SH3PXD2A: variants seen among roughly 807,000 people sequenced by gnomAD.
SH3PXD2A encodes SH3 and PX domains 2A, also known as SH3 and PX domain-containing protein 2A.
SH3PXD2A carries 32 observed loss-of-function variants against 115.2 expected under a neutral mutation model. The observed-to-expected ratio is 0.28, with a 90% CI of 0.21 to 0.37. The LOEUF is 0.37. SH3PXD2A is among the 10% of genes least tolerant of loss of function. The probability of loss-of-function intolerance (pLI) is 1.00; values close to 1 mark genes in which losing one functional copy is unlikely to be tolerated. For synonymous variants in SH3PXD2A, 610 were observed against 629.1 expected (o/e 0.97, Z 0.45); for missense variants, 1,328 against 1,498.7 (o/e 0.89, Z 1.88).
In SH3PXD2A at chr10:103,746,014, C is replaced by T. The variant is rs1253403572; in HGVS notation, c.230-10206G>A. 7 of 152,304 alleles carry T rather than the reference C, an allele frequency of 4.6e-5. No individual in the cohort carries two copies. The highest frequency in any genetic ancestry group is 7.3e-5 in the Non-Finnish European group (5 of 68,088). The allele number at this position is 152,304 out of a possible 1,614,324, so 9.4% of individuals were successfully genotyped here. On this transcript the variant is annotated intron_variant, in intron 3 of 14. Coordinates refer to ENST00000369774, the MANE Select transcript of SH3PXD2A (RefSeq NM_001394015.1). This position sits in a 1 kb window ranked among gnomAD's most constrained non-coding sequence, Gnocchi z 4.4. ...GGTTCACGACAGAGTGAAGCCTTCA[C>T]CCTCCTGCAGCCACGGCTTGCTTGC...
intron 7 of SH3PXD2A, chr10:103,661,933 G>C: frequency 1.0e-6 from 1 of 985,096 alleles, no homozygotes; most frequent in Non-Finnish European, 1.2e-6. Flanking sequence ...CCTCAAGTTC[G>C]CTCCGTTCCT....
chr10:103,703,544 C>A (rs912036207), intron 5 of SH3PXD2A, among the ~76,000 whole-genome samples: 6 of 152,178 alleles, frequency 3.9e-5, no homozygotes, highest in African/African-American at 1.4e-4. Context: ...CTGATTTTGA[C>A]CCCCAATAGC....
At chr10:103,782,827 CAAAAAAAAAAAA>C (rs1177829829) in intron 2 of SH3PXD2A, among the ~76,000 whole-genome samples, 8 of 45,396 alleles carry the variant, frequency 1.8e-4, no homozygotes, top group East Asian at 5.9e-4. Context: ...TCCATCTCTC[CAAAAAAAAAAAA>C]AAAAAAAAAA....
intron 1 of SH3PXD2A, among the ~76,000 whole-genome samples, chr10:103,845,916 T>C (rs1268025589): frequency 1.3e-5 from 2 of 152,222 alleles, no homozygotes; most frequent in African/African-American, 4.8e-5. Context: ...CATCAATCCC[T>C]ACCCCACCTG....
chr10:103,661,773 C>T lies in SH3PXD2A; in HGVS notation c.473-659G>A, dbSNP rs548623164. On this transcript the variant is annotated intron_variant, in intron 7 of 14. Coordinates refer to ENST00000369774, the MANE Select transcript of SH3PXD2A (RefSeq NM_001394015.1). ...CCAATCACTGGGGTTTACTCGCAAC[C>T]CTTAAATAGAAACACATGAGACCCG... 6 of 985,316 alleles carry T rather than the reference C, an allele frequency of 6.1e-6. No individual in the cohort carries two copies. The African/African-American group carries it at 1.0e-4, about 17-fold the overall frequency. 61.0% of individuals were successfully genotyped at this position (985,316 alleles called of 1,614,324 possible).
chr10:103,816,847 C>CT (rs929925782), intron 1 of SH3PXD2A, among the ~76,000 whole-genome samples: 3 of 151,634 alleles, frequency 2.0e-5, no homozygotes, highest in Non-Finnish European at 4.4e-5. Context: ...GAATATTATT[C>CT]TTTTTTTTGA....
chr10:103,788,112 C>G (rs1281839548), intron 2 of SH3PXD2A, among the ~76,000 whole-genome samples: 2 of 152,178 alleles, frequency 1.3e-5, no homozygotes, highest in African/African-American at 4.8e-5. Flanking sequence ...CTTCCCCTCT[C>G]CAGGGATGCC....
Position 103,756,970 on chromosome 10 carries a change from A to G in SH3PXD2A, c.229+10124T>C, listed in dbSNP as rs1280872719. Among the ~76,000 whole-genome samples the G allele has an allele frequency of 6.6e-6, 1 of 152,088 alleles. No individual in the cohort carries two copies. Among genetic ancestry groups the G allele is most frequent in the Non-Finnish European group, 1.5e-5 (1 of 68,014 alleles). On this transcript the variant is annotated intron_variant, in intron 3 of 14. Transcript: ENST00000369774. The surrounding 1 kb of genome is among the most constrained non-coding windows in gnomAD (Gnocchi z 4.4). Reference sequence around the variant, plus strand: ...AGCACCTTCTTCTGTCTCTAGCCTCAGCTGCCCACTTGCCCTCTCACCTCT... The same window carrying G: ...AGCACCTTCTTCTGTCTCTAGCCTCGGCTGCCCACTTGCCCTCTCACCTCT...
intron 5 of SH3PXD2A, among the ~76,000 whole-genome samples, chr10:103,717,499 A>G (rs1054149566): frequency 3.4e-4 from 52 of 152,268 alleles, no homozygotes; most frequent in African/African-American, 1.3e-3. Flanking sequence ...GGGGCAGAGC[A>G]TGGAGGCTGG....
Position 103,795,364 on chromosome 10 carries a change from A to AG in SH3PXD2A, c.153+5917dup, listed in dbSNP as rs547944065. 1.3e-3 allele frequency among the ~76,000 whole-genome samples: 191 copies of AG among 152,226 alleles called. 2 individuals are homozygous for AG. The South Asian group carries it at 0.029, about 23-fold the overall frequency. On this transcript the variant is annotated intron_variant, in intron 2 of 14. Transcript: ENST00000369774. ...GAGTCTGGGTCTGAAGGCTCGTGGC[A>AG]GGAGATATGGGGAGAGAAGAAGGTC... is the stretch of plus-strand genomic sequence containing the variant.
rs1564842891 is a variant in SH3PXD2A at position 103,608,149 on chromosome 10, T to TAAAAAAAAAAAAAAAAAAG, written c.1309-2233_1309-2232insCTTTTTTTTTTTTTTTTTT. ...CGAGAAACACCCAAGAATGATCAAT[T>TAAAAAAAAAAAAAAAAAAG]TAAAAAAAAAAAAAAAAAAAAGAAC... On this transcript the variant is annotated intron_variant, in intron 13 of 14. Transcript: ENST00000369774. Among the ~76,000 whole-genome samples the TAAAAAAAAAAAAAAAAAAG allele has an allele frequency of 1.2e-3, 8 of 6,470 alleles. No homozygotes were observed. The African/African-American group carries it at 0.019, about 15-fold the overall frequency. 4.2% of individuals were successfully genotyped at this position (6,470 alleles called of 152,430 possible). A position where few individuals can be genotyped will look rare whatever the true frequency, so the allele number is the denominator to read the frequency against.
chr10:103,736,277 C>T (rs530290736), intron 3 of SH3PXD2A, among the ~76,000 whole-genome samples: 3 of 152,368 alleles, frequency 2.0e-5, no homozygotes, highest in South Asian at 2.1e-4. Flanking sequence ...CCTTCCAGGG[C>T]GGGCACAAGG....
chr10:103,716,478 G>A (rs1381698441), intron 5 of SH3PXD2A, among the ~76,000 whole-genome samples: 2 of 152,232 alleles, frequency 1.3e-5, no homozygotes, highest in Non-Finnish European at 2.9e-5. Flanking sequence ...CAGTTTAGCA[G>A]GGCTATCTGC....
intron 8 of SH3PXD2A, among the ~76,000 whole-genome samples, chr10:103,628,898 C>T (rs1458216924): frequency 7.9e-5 from 12 of 152,230 alleles, no homozygotes; most frequent in African/African-American, 2.7e-4. Flanking sequence ...TTGCCCACTT[C>T]TCAGACTGTC....
chr10:103,683,339 C>T (rs1394043240), intron 6 of SH3PXD2A, among the ~76,000 whole-genome samples: 2 of 152,014 alleles, frequency 1.3e-5, no homozygotes, highest in African/African-American at 2.4e-5. Flanking sequence ...ACAGAGAAAC[C>T]CCATCTCTAC....
intron 2 of SH3PXD2A, among the ~76,000 whole-genome samples, chr10:103,794,237 TC>T (rs747863512): frequency 2.8e-4 from 42 of 152,230 alleles, no homozygotes; most frequent in Non-Finnish European, 5.6e-4. Flanking sequence ...GAAAAGCTTG[TC>T]AAAATAGGTT....
At chr10:103,776,436 CTG>C (rs34034863) in intron 2 of SH3PXD2A, among the ~76,000 whole-genome samples, 16,106 of 124,658 alleles carry the variant, frequency 0.13, 973 homozygotes, top group African/African-American at 0.16. Context: ...GTGTGTGTGT[CTG>C]TGTGTGTGTG....
At chr10:103,644,585 CAAA>C (rs34818569) in intron 8 of SH3PXD2A, among the ~76,000 whole-genome samples, 3 of 102,530 alleles carry the variant, frequency 2.9e-5, no homozygotes, top group African/African-American at 7.7e-5. Context: ...GACCAAGTCT[CAAA>C]AAAAAAAAAA....
At chr10:103,632,509 G>A (rs963527347) in intron 8 of SH3PXD2A, among the ~76,000 whole-genome samples, 7 of 152,224 alleles carry the variant, frequency 4.6e-5, no homozygotes, top group Non-Finnish European at 8.8e-5. Context: ...GCCCAACAGT[G>A]TGACTCACGC....
Sources: allele counts gnomAD v4.1 joint callset (sites outside exome capture counted in the v4.1 genomes callset), GRCh38; gene constraint gnomAD v4.1.1; non-coding constraint Gnocchi (gnomAD v3.1); transcripts MANE v1.5; gene names NCBI Gene and HGNC (gene_info 2026-07-23, HGNC 2026-07-21).